ADK: variants seen among roughly 807,000 people sequenced by gnomAD.
ADK encodes adenosine kinase.
In ADK, 24 loss-of-function variants were observed where a neutral mutation model predicts 44.7. The observed-to-expected ratio is 0.54, with a 90% confidence interval of 0.39 to 0.76. The LOEUF (loss-of-function observed/expected upper bound fraction) is 0.76. Ranked by LOEUF, ADK falls within the 30% of genes least tolerant of loss-of-function variation. The pLI is 0.00. For synonymous variants in ADK, 128 were observed against 142.6 expected, an observed-to-expected ratio of 0.90 and a Z score of 0.73; for missense variants, 321 against 425.1, an observed-to-expected ratio of 0.76 and a Z score of 2.15.
intron 7 of ADK, among the ~76,000 whole-genome samples, chr10:74,546,314 G>A (rs533919004): frequency 7.9e-5 from 12 of 152,282 alleles, no homozygotes; most frequent in African/African-American, 2.6e-4. Context: ...AGACTAGGTC[G>A]ACTTAATGTG....
intron 3 of ADK, among the ~76,000 whole-genome samples, chr10:74,229,295 A>G (rs1158365598): frequency 3.3e-5 from 5 of 151,956 alleles, no homozygotes; most frequent in Non-Finnish European, 7.4e-5. Context: ...TTCTTAGTGA[A>G]TAGGTCAATT....
At chr10:74,314,591 C>A (rs1034765439) in intron 3 of ADK, 76 bp from the exon 4 acceptor site, 2 of 905,432 alleles carry the variant, frequency 2.2e-6, no homozygotes, top group Admixed American at 1.9e-5. Context: ...TTTTAATACT[C>A]TTCTGCTCAG....
chr10:74,467,653 A>G (rs1846411286), intron 6 of ADK, among the ~76,000 whole-genome samples: 1 of 152,036 alleles, frequency 6.6e-6, no homozygotes, highest in Non-Finnish European at 1.5e-5. Flanking sequence ...TAGTAAATCT[A>G]TTCAGTTTAT....
In ADK at chr10:74,579,583, T is replaced by C. The variant is rs73276219; in HGVS notation, c.727-9699T>C. On this transcript the variant is annotated intron_variant, in intron 7 of 10. Coordinates refer to ENST00000539909, the MANE Select transcript of ADK (RefSeq NM_006721.4). ...CCTACAATTTCCATAGCATTCTGCCTAGATAGCTTCCAGTCTGTAGTCTGC... is the reference window on the plus strand; with the variant it reads ...CCTACAATTTCCATAGCATTCTGCCCAGATAGCTTCCAGTCTGTAGTCTGC... Among the ~76,000 whole-genome samples, 446 of 152,308 alleles carry C rather than the reference T, an allele frequency of 2.9e-3. 2 individuals are homozygous for C. Among genetic ancestry groups the C allele is most frequent in the African/African-American group, 0.01 (417 of 41,552 alleles).
chr10:74,268,455 A>T (rs928486247), intron 3 of ADK, among the ~76,000 whole-genome samples: 1 of 151,678 alleles, frequency 6.6e-6, no homozygotes, highest in African/African-American at 2.4e-5. Context: ...TAGTTGTGTG[A>T]CTTCTCAGAG....
chr10:74,330,194 T>A (rs951614786), intron 4 of ADK, among the ~76,000 whole-genome samples: 1 of 152,072 alleles, frequency 6.6e-6, no homozygotes, highest in Admixed American at 6.6e-5. Flanking sequence ...TTTTTAAATA[T>A]TTATTATCTA....
chr10:74,352,996 G>A (rs1182535982), intron 4 of ADK, among the ~76,000 whole-genome samples: 2 of 152,200 alleles, frequency 1.3e-5, no homozygotes, highest in Admixed American at 1.3e-4. Context: ...CGCTGTAGAA[G>A]ACAGTGTAGC....
At chr10:74,405,522 C>A (rs1042962971) in intron 6 of ADK, among the ~76,000 whole-genome samples, 4 of 151,948 alleles carry the variant, frequency 2.6e-5, no homozygotes, top group African/African-American at 9.7e-5. Flanking sequence ...GCACAACATG[C>A]AGGTTTGTTA....
At chr10:74,346,966 C>T (rs952280366) in intron 4 of ADK, among the ~76,000 whole-genome samples, 2 of 151,472 alleles carry the variant, frequency 1.3e-5, no homozygotes, top group Admixed American at 6.6e-5. Context: ...AAAAATTAGC[C>T]GGGCATGGTG....
At chr10:74,510,341 G>A (rs1848256136) in intron 6 of ADK, among the ~76,000 whole-genome samples, 1 of 151,776 alleles carries the variant, frequency 6.6e-6, no homozygotes, top group Non-Finnish European at 1.5e-5. Flanking sequence ...TCATATATTT[G>A]TTGGCCATTT....
intron 4 of ADK, among the ~76,000 whole-genome samples, chr10:74,391,815 C>G (rs901124873): frequency 6.6e-6 from 1 of 152,062 alleles, no homozygotes; most frequent in Non-Finnish European, 1.5e-5. Context: ...TTTCATCTTG[C>G]AACACTGAAA....
chr10:74,463,431 C>G (rs377597893), intron 6 of ADK, among the ~76,000 whole-genome samples: 5 of 152,130 alleles, frequency 3.3e-5, no homozygotes, highest in African/African-American at 1.2e-4. Context: ...TCATAAGGAG[C>G]ACATAAGCTA....
intron 3 of ADK, among the ~76,000 whole-genome samples, chr10:74,295,508 G>A (rs1029476848): frequency 4.3e-4 from 65 of 151,936 alleles, no homozygotes; most frequent in Non-Finnish European, 2.5e-4. Context: ...TGTACTCAGG[G>A]CTATGACACT....
At chr10:74,684,272 A>G (rs1214240153) in intron 10 of ADK, among the ~76,000 whole-genome samples, 1 of 152,328 alleles carries the variant, frequency 6.6e-6, no homozygotes, top group East Asian at 1.9e-4. Context: ...GTAGATCAAG[A>G]TATCAAGATT....
At chr10:74,297,487 A>C (rs1483654990) in intron 3 of ADK, among the ~76,000 whole-genome samples, 3 of 152,220 alleles carry the variant, frequency 2.0e-5, no homozygotes, top group South Asian at 2.1e-4. Flanking sequence ...TGTTCACATT[A>C]TCTTTGGTGA....
At chr10:74,297,546 A>G (rs537461535) in intron 3 of ADK, among the ~76,000 whole-genome samples, 1 of 152,338 alleles carries the variant, frequency 6.6e-6, no homozygotes, top group East Asian at 1.9e-4. Flanking sequence ...TCATTAATTT[A>G]TTCATATGTT....
chr10:74,178,139 A>G lies in ADK; in HGVS notation c.66-22625A>G, dbSNP rs546343982. On this transcript the variant is annotated intron_variant, in intron 1 of 10. Coordinates refer to ENST00000539909, the MANE Select transcript of ADK (RefSeq NM_006721.4). Reference sequence around the variant, plus strand: ...TAGTTTTAGTAGAGATGGGGGTTTCACCATATTGGCCAGGCTGGTCTCGAA... The same window carrying G: ...TAGTTTTAGTAGAGATGGGGGTTTCGCCATATTGGCCAGGCTGGTCTCGAA... Among the ~76,000 whole-genome samples, 59 of 151,958 alleles carry G rather than the reference A, an allele frequency of 3.9e-4. No homozygotes were observed. In the East Asian group the frequency reaches 4.8e-3, roughly 12 times the overall value.
chr10:74,222,019 A>G (rs895175774), intron 2 of ADK, among the ~76,000 whole-genome samples: 1 of 152,250 alleles, frequency 6.6e-6, no homozygotes, highest in Non-Finnish European at 1.5e-5. Context: ...AAATTGACGA[A>G]TTAAACTAAA....
intron 9 of ADK, among the ~76,000 whole-genome samples, chr10:74,615,239 C>A (rs1024000530): frequency 6.6e-6 from 1 of 152,092 alleles, no homozygotes; most frequent in Non-Finnish European, 1.5e-5. Flanking sequence ...ATATAGTTAT[C>A]CAAAGTAAAT....
Sources: allele counts gnomAD v4.1 joint callset (sites outside exome capture counted in the v4.1 genomes callset), GRCh38; gene constraint gnomAD v4.1.1; transcripts MANE v1.5; gene names NCBI Gene and HGNC (gene_info 2026-07-23, HGNC 2026-07-21).